Variants in TJAP1 observed in about 807,000 individuals in gnomAD.
The protein encoded by TJAP1 is tight junction-associated protein 1.
Under a neutral mutation model 42.0 loss-of-function variants are expected in TJAP1, and 27 were observed. The ratio of observed to expected loss-of-function variants is 0.64; its 90% CI spans 0.47 to 0.89. The LOEUF (loss-of-function observed/expected upper bound fraction) is 0.89. TJAP1 is among the 40% of genes least tolerant of loss of function. The pLI is 0.00. For synonymous variants in TJAP1, 257 were observed against 288.4 expected (o/e 0.89, Z 1.10); for missense variants, 712 against 726.9 (o/e 0.98, Z 0.24).
At chr6:43,482,850 G>A (rs1581895696) in intron 2 of TJAP1, among the ~76,000 whole-genome samples, 2 of 152,308 alleles carry the variant, frequency 1.3e-5, no homozygotes, top group Admixed American at 6.5e-5. Context: ...CTGGCTGGGC[G>A]TGGTGGCTCA....
At chr6:43,483,791 G>A (rs1221524435) in intron 2 of TJAP1, among the ~76,000 whole-genome samples, 1 of 152,224 alleles carries the variant, frequency 6.6e-6, no homozygotes, top group African/African-American at 2.4e-5. Flanking sequence ...GGGTGTAGTA[G>A]CTCACTCCTG....
intron 10 of TJAP1, 34 bp downstream of exon 10, chr6:43,503,740 G>T (rs775307046): frequency 6.3e-7 from 1 of 1,588,686 alleles, no homozygotes; most frequent in South Asian, 1.1e-5. Context: ...TGCCCACATA[G>T]ACCATTCCGG....
chr6:43,482,408 T>C (rs2127472066), intron 2 of TJAP1, among the ~76,000 whole-genome samples: 1 of 152,298 alleles, frequency 6.6e-6, no homozygotes, highest in South Asian at 2.1e-4. Flanking sequence ...GAACCTTCAT[T>C]TCTCACCTGG....
At position 43,505,100 on chromosome 6, in the gene TJAP1, C is replaced by G. The variant is rs527797003; in HGVS notation, c.919C>G (p.Leu307Val). 6.2e-7 allele frequency: 1 copy of G among 1,613,918 alleles called. No homozygotes were observed. The highest frequency in any genetic ancestry group is 1.3e-5 in the African/African-American group (1 of 74,926). Reference sequence around the variant, plus strand: ...GGGCTCCCCGGAGGAAGAGCTGCCCCTGCCAGCCTTTGAGAAGCTGAACCC... The same window carrying G: ...GGGCTCCCCGGAGGAAGAGCTGCCCGTGCCAGCCTTTGAGAAGCTGAACCC... Residue 307 changes from leucine (L) to valine (V), a missense_variant, in exon 11 of 11, where the codon CTG becomes GTG. Coordinates refer to ENST00000372449, the Ensembl canonical transcript of TJAP1. This position sits in a 1 kb window ranked among gnomAD's most constrained non-coding sequence, Gnocchi z 5.5.
At position 43,495,502 on chromosome 6, in the gene TJAP1, G is replaced by A. The variant is rs1176404768; in HGVS notation, c.-121-2379G>A. On this transcript the variant is annotated intron_variant, in intron 2 of 10. Transcript: ENST00000372449. This position sits in a 1 kb window ranked among gnomAD's most constrained non-coding sequence, Gnocchi z 4.6. ...GAAGTGGTTGGTACACATCTCCCTC[G>A]CAGCCTGGTGTTGAGGAACACCATG... Among the ~76,000 whole-genome samples the A allele has an allele frequency of 6.6e-6, 1 of 152,112 alleles. No individual in the cohort carries two copies. Among genetic ancestry groups the A allele is most frequent in the Non-Finnish European group, 1.5e-5 (1 of 68,008 alleles).
intron 2 of TJAP1, among the ~76,000 whole-genome samples, chr6:43,479,860 C>T (rs1383897832): frequency 2.6e-5 from 4 of 152,154 alleles, no homozygotes; most frequent in Non-Finnish European, 4.4e-5. Context: ...GTCCCAGCTA[C>T]TCAGGAGGCT....
chr6:43,488,545 T>C (rs924252791), intron 2 of TJAP1, among the ~76,000 whole-genome samples: 1 of 152,242 alleles, frequency 6.6e-6, no homozygotes, highest in Non-Finnish European at 1.5e-5. Context: ...ACTCATTTCA[T>C]TTTTGCCTTG....
Position 43,505,267 on chromosome 6 carries a change from G to A in TJAP1, c.1086G>A (p.Leu362=). The A allele has an allele frequency of 1.9e-6, 3 of 1,613,752 alleles. No homozygotes were observed. The highest frequency in any genetic ancestry group is 2.5e-6 in the Non-Finnish European group (3 of 1,179,942). ...CCCGCCAGGCCATTTCCCTGAGCCT[G>A]GTAGAGGAGGGGAGTGAGCGGGCCC... Residue 362 remains leucine, a synonymous_variant, in exon 11 of 11, where the codon CTG becomes CTA. Transcript: ENST00000372449. This position sits in a 1 kb window ranked among gnomAD's most constrained non-coding sequence, Gnocchi z 5.5.
chr6:43,482,834 G>C lies in TJAP1; in HGVS notation c.-122+4602G>C, dbSNP rs368148209. Among the ~76,000 whole-genome samples, 4 of 152,268 alleles carry C rather than the reference G, an allele frequency of 2.6e-5. No homozygotes were observed. In the East Asian group the frequency reaches 7.7e-4, roughly 29 times the overall value. On this transcript the variant is annotated intron_variant, in intron 2 of 10. Transcript: ENST00000372449. ...GTCAAAATTATTTGCCTATAAAATAGTCTTCCTGGCTGGGCGTGGTGGCTC... is the reference window on the plus strand; with the variant it reads ...GTCAAAATTATTTGCCTATAAAATACTCTTCCTGGCTGGGCGTGGTGGCTC...
Position 43,500,778 on chromosome 6 carries a change from T to C in TJAP1, c.128+6T>C. 6.2e-7 allele frequency: 1 copy of C among 1,614,088 alleles called. No homozygotes were observed. The highest frequency in any genetic ancestry group is 8.5e-7 in the Non-Finnish European group (1 of 1,179,984). The stretch of plus-strand genomic sequence containing the variant: ...ACTGATGCAGAAAGGATGAAGTGAG[T>C]ATCTGCTACCTGAGATACTGCCCTG... On this transcript the variant is annotated splice_donor_region_variant and intron_variant, in intron 5 of 10. Coordinates refer to ENST00000372449, the Ensembl canonical transcript of TJAP1.
chr6:43,504,102 A>G, intron 10 of TJAP1: 1 of 345,622 alleles, frequency 2.9e-6, no homozygotes, highest in Admixed American at 3.8e-5. Flanking sequence ...AAGTAGAAGA[A>G]GTAGAGGTAT....
chr6:43,485,501 A>G (rs1786254530), intron 2 of TJAP1, among the ~76,000 whole-genome samples: 1 of 152,200 alleles, frequency 6.6e-6, no homozygotes, highest in Non-Finnish European at 1.5e-5. Context: ...CGAGTTTACA[A>G]TCAGATGAGG....
rs1788080182 is a variant in TJAP1, at chr6:43,492,730, G to A, written c.-121-5151G>A. ...CTTCATGAGCAATCCCCAGGACCAA[G>A]GCCAGGTCACCTGGTTCCAGGGCTT... On this transcript the variant is annotated intron_variant, in intron 2 of 10. Transcript: ENST00000372449. This position sits in a 1 kb window ranked among gnomAD's most constrained non-coding sequence, Gnocchi z 4.2. 6.6e-6 allele frequency among the ~76,000 whole-genome samples: 1 copy of A among 152,200 alleles called. No homozygotes were observed. The highest frequency in any genetic ancestry group is 6.5e-5 in the Admixed American group (1 of 15,286).
intron 5 of TJAP1, 120 bp from the exon 6 acceptor site, chr6:43,501,406 C>T (rs1790485663): frequency 2.3e-6 from 2 of 869,354 alleles, no homozygotes; most frequent in African/African-American, 3.4e-5. Context: ...CCAGGAGTTT[C>T]CCTGTCCTGT....
intron 2 of TJAP1, among the ~76,000 whole-genome samples, chr6:43,483,701 CA>C (rs1230557977): frequency 6.6e-6 from 1 of 152,196 alleles, no homozygotes; most frequent in Non-Finnish European, 1.5e-5. Flanking sequence ...TTCTGCCACT[CA>C]CCACCTGTGC....
At chr6:43,494,648 CTTTTTTTTTTT>C (rs775378416) in intron 2 of TJAP1, among the ~76,000 whole-genome samples, 5 of 114,400 alleles carry the variant, frequency 4.4e-5, no homozygotes, top group Admixed American at 2.6e-4. Context: ...TGTTGATTTC[CTTTTTTTTTTT>C]TTTTTTTTTT....
At chr6:43,481,490 C>CG (rs1562235552) in intron 2 of TJAP1, among the ~76,000 whole-genome samples, 11 of 146,378 alleles carry the variant, frequency 7.5e-5, no homozygotes, top group African/African-American at 1.0e-4. Flanking sequence ...TCACCCCCCC[C>CG]CCAAAAAAAA....
At chr6:43,503,089 C>T (rs571615610) in intron 8 of TJAP1, 18 of 471,892 alleles carry the variant, frequency 3.8e-5, no homozygotes, top group African/African-American at 1.6e-4. Context: ...CAGTTACTGC[C>T]GTTGAGGTAC....
chr6:43,505,569 G>T lies in TJAP1; in HGVS notation c.1388G>T (p.Arg463Leu), dbSNP rs139615832. ...GAGGTGGTCCAGGCACCTTCTGCCCGACCCGAAGAGAGTGAGCTTTTGCTA... is the reference window on the plus strand; with the variant it reads ...GAGGTGGTCCAGGCACCTTCTGCCCTACCCGAAGAGAGTGAGCTTTTGCTA... The change falls in exon 11 of 11, where the codon CGA (arginine) becomes CTA (leucine). Residue 463 changes from arginine (R) to leucine (L), a missense_variant. Arg to Leu is a moderately radical substitution (Grantham distance 102, BLOSUM62 -2). Transcript: ENST00000372449. This position sits in a 1 kb window ranked among gnomAD's most constrained non-coding sequence, Gnocchi z 5.5. 2.5e-6 allele frequency: 4 copies of T among 1,613,718 alleles called. No homozygotes were observed. Among genetic ancestry groups the T allele is most frequent in the South Asian group, 2.2e-5 (2 of 91,078 alleles).
Sources: gnomAD v4.1 joint callset for allele counts (sites outside exome capture counted in the v4.1 genomes callset) on GRCh38, gnomAD v4.1.1 for gene constraint, Gnocchi (gnomAD v3.1) non-coding constraint, MANE v1.5 for transcripts, NCBI Gene and HGNC (gene_info 2026-07-23, HGNC 2026-07-21) for gene names.